MYO16: variants seen among roughly 807,000 people sequenced by gnomAD.
MYO16 encodes myosin XVI.
A neutral mutation model predicts 205.3 loss-of-function variants in MYO16; 94 were observed. The ratio of observed to expected loss-of-function variants is 0.46; its 90% CI spans 0.39 to 0.54. The LOEUF is 0.54. Ranked by LOEUF, MYO16 falls within the 20% of genes least tolerant of loss-of-function variation. The pLI is 0.00. For synonymous variants in MYO16, 988 were observed against 954.0 expected (o/e 1.04, Z -0.66); for missense variants, 2,315 against 2,387.5 (o/e 0.97, Z 0.63).
intron 16 of MYO16, among the ~76,000 whole-genome samples, chr13:108,919,905 T>C (rs920318687): frequency 6.6e-6 from 1 of 152,244 alleles, no homozygotes; most frequent in African/African-American, 2.4e-5. Flanking sequence ...TAAGTGTATT[T>C]ATAATTCTTA....
intron 7 of MYO16, among the ~76,000 whole-genome samples, chr13:108,811,131 T>C (rs2138993561): frequency 6.6e-6 from 1 of 152,344 alleles, no homozygotes; most frequent in African/African-American, 2.4e-5. Flanking sequence ...TTTGTACAAA[T>C]GCTGGAATCT....
chr13:108,670,507 G>A (rs951868453), intron 2 of MYO16, among the ~76,000 whole-genome samples: 2 of 152,104 alleles, frequency 1.3e-5, no homozygotes, highest in African/African-American at 4.8e-5. Flanking sequence ...ATGGCCCTTG[G>A]CTAACAGTGA....
chr13:108,960,082 G>A (rs537310544), intron 17 of MYO16, among the ~76,000 whole-genome samples: 16 of 151,794 alleles, frequency 1.1e-4, no homozygotes, highest in Non-Finnish European at 2.1e-4. Flanking sequence ...AGACCAACCT[G>A]AACAGCATAG....
intron 4 of MYO16, among the ~76,000 whole-genome samples, chr13:108,737,045 A>T (rs1363534353): frequency 6.6e-6 from 1 of 152,238 alleles, no homozygotes; most frequent in African/African-American, 2.4e-5. Context: ...GGGCTGAGAC[A>T]ATGGGGTTTT....
At chr13:108,777,680 C>T (rs1886167302) in intron 4 of MYO16, among the ~76,000 whole-genome samples, 1 of 152,184 alleles carries the variant, frequency 6.6e-6, no homozygotes, top group Non-Finnish European at 1.5e-5. Context: ...AGTGCCTCTC[C>T]TCCCTCAACT....
chr13:108,598,183 C>T (rs1166203264), intron 1 of MYO16, among the ~76,000 whole-genome samples: 2 of 152,126 alleles, frequency 1.3e-5, no homozygotes, highest in Non-Finnish European at 2.9e-5. Flanking sequence ...CTGCCATGAG[C>T]CAGAGATTGT....
chr13:109,066,156 T>C (rs1045510769), intron 27 of MYO16, among the ~76,000 whole-genome samples: 3 of 152,146 alleles, frequency 2.0e-5, no homozygotes, highest in Non-Finnish European at 4.4e-5. Context: ...CTTCCATCTA[T>C]TGGATTAAAG....
At chr13:108,658,531 A>G (rs1019020114) in intron 1 of MYO16, among the ~76,000 whole-genome samples, 1 of 151,878 alleles carries the variant, frequency 6.6e-6, no homozygotes, top group Non-Finnish European at 1.5e-5. Context: ...ATGTATTTAA[A>G]GTTAATAATT....
chr13:108,636,329 A>C (rs1880223203), intron 1 of MYO16, among the ~76,000 whole-genome samples: 1 of 144,188 alleles, frequency 6.9e-6, no homozygotes, highest in Non-Finnish European at 1.5e-5. Flanking sequence ...ACTAGTCTTA[A>C]ATGAAAAAAT....
chr13:108,797,865 T>G (rs1886839111), intron 6 of MYO16, among the ~76,000 whole-genome samples: 1 of 152,166 alleles, frequency 6.6e-6, no homozygotes, highest in African/African-American at 2.4e-5. Flanking sequence ...CATACACACT[T>G]CAGTAGAGAA....
At chr13:109,039,373 C>A (rs562014263) in intron 23 of MYO16, among the ~76,000 whole-genome samples, 2 of 152,294 alleles carry the variant, frequency 1.3e-5, no homozygotes, top group East Asian at 3.9e-4. Flanking sequence ...ATAAACACAT[C>A]CACCAGCAAA....
the MYO16 span, among the ~76,000 whole-genome samples, chr13:108,585,435 T>C: frequency 6.6e-6 from 1 of 152,184 alleles, no homozygotes; most frequent in Admixed American, 6.5e-5. Context: ...TAAAGGATTG[T>C]GGAAACCAAG....
intron 34 of MYO16, among the ~76,000 whole-genome samples, chr13:109,199,222 ATATATATATATATATATAC>A: frequency 1.0e-5 from 1 of 96,900 alleles, no homozygotes; most frequent in Non-Finnish European, 2.2e-5. Flanking sequence ...ATATATATAT[ATATATATATATATATATAC>A]CGTCATTTTG....
chr13:108,559,681 C>T, the MYO16 span, among the ~76,000 whole-genome samples: 5 of 151,308 alleles, frequency 3.3e-5, no homozygotes, highest in Non-Finnish European at 5.9e-5. Context: ...CACGTCAGCC[C>T]GGATGGTCTC....
chr13:108,516,126 C>T, the MYO16 span, among the ~76,000 whole-genome samples: 4 of 151,748 alleles, frequency 2.6e-5, no homozygotes, highest in East Asian at 3.9e-4. Context: ...GCAATCAGCG[C>T]GATTCCGTGG....
At chr13:108,713,148 A>C (rs1883790471) in intron 3 of MYO16, among the ~76,000 whole-genome samples, 1 of 152,118 alleles carries the variant, frequency 6.6e-6, no homozygotes, top group Non-Finnish European at 1.5e-5. Flanking sequence ...GGGGTAAGTG[A>C]ATAAACAAAT....
In MYO16 at chr13:109,156,548, G is replaced by A. The variant is rs76156542; in HGVS notation, c.5165-8353G>A. On this transcript the variant is annotated intron_variant, in intron 32 of 34. Coordinates refer to ENST00000457511, the MANE Select transcript of MYO16 (RefSeq NM_001198950.3). The stretch of plus-strand genomic sequence containing the variant: ...TTTTTCTCCTGCGTTACTGAAACCC[G>A]GATCCCATCTCATAGGATTCTAAAA... Among the ~76,000 whole-genome samples, 98 of 152,238 alleles carry A rather than the reference G, an allele frequency of 6.4e-4. No individual in the cohort carries two copies. The East Asian group carries it at 0.017, about 26-fold the overall frequency.
chr13:108,878,124 G>A (rs1879412774), intron 12 of MYO16, among the ~76,000 whole-genome samples: 1 of 152,174 alleles, frequency 6.6e-6, no homozygotes, highest in Admixed American at 6.5e-5. Flanking sequence ...GATAAGGACA[G>A]GAGGCAGGGA....
At chr13:109,137,364 G>A (rs751455769) in intron 31 of MYO16, among the ~76,000 whole-genome samples, 3 of 152,238 alleles carry the variant, frequency 2.0e-5, no homozygotes, top group Admixed American at 6.5e-5. Context: ...GGAAGAGCAT[G>A]TGGCGCTGAA....
Sources: gnomAD v4.1 joint callset for allele counts (sites outside exome capture counted in the v4.1 genomes callset) on GRCh38, gnomAD v4.1.1 for gene constraint, MANE v1.5 for transcripts, NCBI Gene and HGNC (gene_info 2026-07-23, HGNC 2026-07-21) for gene names.